The following CACNG3 variants were observed in gnomAD, a reference collection of about 807,000 sequenced individuals.
CACNG3 encodes voltage-dependent calcium channel gamma-3 subunit.
CACNG3 carries 3 observed loss-of-function variants against 28.5 expected under a neutral mutation model. The ratio of observed to expected loss-of-function variants is 0.11; its 90% confidence interval spans 0.05 to 0.27. The LOEUF (loss-of-function observed/expected upper bound fraction) is 0.27. Among genes scored for constraint, CACNG3 ranks in the 10% least tolerant of loss-of-function variants. The pLI is 1.00. For synonymous variants in CACNG3, 174 were observed against 162.2 expected (o/e 1.07, Z -0.55); for missense variants, 236 against 414.4 (o/e 0.57, Z 3.74).
chr16:24,271,522 T>C (rs954853561), intron 1 of CACNG3, among the ~76,000 whole-genome samples: 1 of 152,204 alleles, frequency 6.6e-6, no homozygotes, highest in African/African-American at 2.4e-5. Context: ...GGCTGGTATT[T>C]ACTCCTGTGC....
intron 1 of CACNG3, among the ~76,000 whole-genome samples, chr16:24,337,462 C>A (rs1899727587): frequency 6.6e-6 from 1 of 152,022 alleles, no homozygotes; most frequent in African/African-American, 2.4e-5. Context: ...AGCCCCTTTT[C>A]AGCTCAAGTA....
intron 1 of CACNG3, among the ~76,000 whole-genome samples, chr16:24,338,493 A>G (rs1307258455): frequency 6.6e-6 from 1 of 151,922 alleles, no homozygotes; most frequent in African/African-American, 2.4e-5. Context: ...ATAGGCACGC[A>G]CCATCATGCC....
chr16:24,288,954 T>C (rs1240717453), intron 1 of CACNG3, among the ~76,000 whole-genome samples: 9 of 152,156 alleles, frequency 5.9e-5, no homozygotes, highest in Non-Finnish European at 8.8e-5. Flanking sequence ...ATGGTGACTT[T>C]TTCCATCATG....
chr16:24,313,734 G>GA (rs1238670831), intron 1 of CACNG3, among the ~76,000 whole-genome samples: 7 of 151,576 alleles, frequency 4.6e-5, no homozygotes, highest in South Asian at 2.1e-4. Flanking sequence ...TGACTTTTAT[G>GA]TTTTTATTTA....
At chr16:24,300,187 T>G (rs959367605) in intron 1 of CACNG3, among the ~76,000 whole-genome samples, 1 of 152,202 alleles carries the variant, frequency 6.6e-6, no homozygotes, top group Non-Finnish European at 1.5e-5. Flanking sequence ...CTAAGGCCTT[T>G]TGATCTAAAC....
At chr16:24,292,146 G>A (rs1294950240) in intron 1 of CACNG3, among the ~76,000 whole-genome samples, 1 of 152,118 alleles carries the variant, frequency 6.6e-6, no homozygotes, top group Admixed American at 6.5e-5. Context: ...GAGCAAGGTG[G>A]CAGCTAAGTT....
intron 1 of CACNG3, among the ~76,000 whole-genome samples, chr16:24,279,241 G>T (rs1033498329): frequency 6.6e-6 from 1 of 152,154 alleles, no homozygotes; most frequent in Non-Finnish European, 1.5e-5. Context: ...CATTTTTGAG[G>T]CTCATTCTGG....
intron 1 of CACNG3, among the ~76,000 whole-genome samples, chr16:24,317,554 AAAAGAAAGAAAG>A (rs1202219518): frequency 0.022 from 1,836 of 85,242 alleles, 72 homozygotes; most frequent in South Asian, 0.029. Context: ...AAAAAAAAGA[AAAAGAAAGAAAG>A]AAAGAAAGAA....
chr16:24,281,986 C>T (rs1168621654), intron 1 of CACNG3, among the ~76,000 whole-genome samples: 1 of 152,180 alleles, frequency 6.6e-6, no homozygotes, highest in African/African-American at 2.4e-5. Context: ...TATGCAAATT[C>T]AGGCAGCCTT....
At chr16:24,257,775 G>A (rs1898487937) in intron 1 of CACNG3, among the ~76,000 whole-genome samples, 1 of 152,130 alleles carries the variant, frequency 6.6e-6, no homozygotes. Context: ...GTCATTTCTA[G>A]TTCTAAAAAT....
At chr16:24,342,342 T>A (rs1303409823) in intron 1 of CACNG3, among the ~76,000 whole-genome samples, 1 of 151,864 alleles carries the variant, frequency 6.6e-6, no homozygotes, top group Non-Finnish European at 1.5e-5. Flanking sequence ...TGCAAAAGAG[T>A]ATTGCAGGTA....
chr16:24,303,506 T>C (rs1899141725), intron 1 of CACNG3, among the ~76,000 whole-genome samples: 1 of 152,144 alleles, frequency 6.6e-6, no homozygotes, highest in Non-Finnish European at 1.5e-5. Context: ...TCTATTTAAA[T>C]GTTAACTTCT....
At chr16:24,337,369 G>A (rs143433992) in intron 1 of CACNG3, among the ~76,000 whole-genome samples, 34 of 152,280 alleles carry the variant, frequency 2.2e-4, no homozygotes, top group South Asian at 1.2e-3. Context: ...ACCCCTTTGT[G>A]ATTGCTGGTG....
intron 1 of CACNG3, among the ~76,000 whole-genome samples, chr16:24,286,665 G>A (rs2141353656): frequency 6.6e-6 from 1 of 152,130 alleles, no homozygotes; most frequent in East Asian, 1.9e-4. Context: ...TTAGGTACAT[G>A]TCTTCCGTCT....
chr16:24,347,390 G>A (rs1281524813), intron 2 of CACNG3, among the ~76,000 whole-genome samples: 1 of 152,140 alleles, frequency 6.6e-6, no homozygotes, highest in East Asian at 1.9e-4. Context: ...AGGGAGGAAG[G>A]AAGGAAGGCA....
Position 24,256,678 on chromosome 16 carries a change from G to C in CACNG3, c.-77G>C. The C allele has an allele frequency of 1.0e-6, 1 of 959,048 alleles. No individual in the cohort carries two copies. The allele number at this position is 959,048 out of a possible 1,614,324, so 59.4% of individuals were successfully genotyped here. Reference sequence around the variant, plus strand: ...TGGAAGAGCCTGTACTAGGTTACCCGGCTGCAGAGTGATTTTCCCCTCCGG... The same window carrying C: ...TGGAAGAGCCTGTACTAGGTTACCCCGCTGCAGAGTGATTTTCCCCTCCGG... On this transcript the variant is annotated 5_prime_UTR_variant, in exon 1 of 4. Coordinates refer to ENST00000005284, the MANE Select transcript of CACNG3 (RefSeq NM_006539.4). This position sits in a 1 kb window ranked among gnomAD's most constrained non-coding sequence, Gnocchi z 4.6.
chr16:24,314,442 A>C (rs1899318848), intron 1 of CACNG3, among the ~76,000 whole-genome samples: 1 of 152,170 alleles, frequency 6.6e-6, no homozygotes, highest in Non-Finnish European at 1.5e-5. Flanking sequence ...CAGCTGCCTA[A>C]GGGCTGTGAG....
At chr16:24,359,848 G>A (rs1596655099) in intron 3 of CACNG3, among the ~76,000 whole-genome samples, 1 of 151,734 alleles carries the variant, frequency 6.6e-6, no homozygotes, top group African/African-American at 2.4e-5. Context: ...GGGTAAGAGA[G>A]CAAGATCCTA....
intron 1 of CACNG3, among the ~76,000 whole-genome samples, chr16:24,294,237 C>A (rs1448895020): frequency 1.3e-5 from 2 of 152,192 alleles, no homozygotes; most frequent in East Asian, 3.8e-4. Flanking sequence ...GAACGTCTCC[C>A]CTCCGGGCAG....
Sources: gnomAD v4.1 joint callset for allele counts (sites outside exome capture counted in the v4.1 genomes callset) on GRCh38, gnomAD v4.1.1 for gene constraint, Gnocchi (gnomAD v3.1) non-coding constraint, MANE v1.5 for transcripts, NCBI Gene and HGNC (gene_info 2026-07-23, HGNC 2026-07-21) for gene names.